GRIK2: variants seen among roughly 807,000 people sequenced by gnomAD.
GRIK2 encodes glutamate ionotropic receptor kainate type subunit 2.
Under a neutral mutation model 100.3 loss-of-function variants are expected in GRIK2, and 32 were observed. The ratio of observed to expected loss-of-function variants is 0.32; its 90% CI spans 0.24 to 0.43. The LOEUF (loss-of-function observed/expected upper bound fraction) is 0.43. Among genes scored for constraint, GRIK2 ranks in the 20% least tolerant of loss-of-function variants. The pLI is 1.00. For missense variants in GRIK2, 843 were observed against 1,114.9 expected, an observed-to-expected ratio of 0.76 and a Z score of 3.47; for synonymous variants, 417 against 389.4, an observed-to-expected ratio of 1.07 and a Z score of -0.83.
chr6:101,530,371 G>C (rs1775379003), intron 2 of GRIK2, among the ~76,000 whole-genome samples: 1 of 151,866 alleles, frequency 6.6e-6, no homozygotes, highest in East Asian at 1.9e-4. Flanking sequence ...AAGAAACAAA[G>C]TATTTTAAAA....
At chr6:101,742,496 A>C (rs76425197) in intron 7 of GRIK2, among the ~76,000 whole-genome samples, 1 of 152,144 alleles carries the variant, frequency 6.6e-6, no homozygotes, top group East Asian at 1.9e-4. Context: ...TCCTGAGAAC[A>C]CGTCCTCAAG....
intron 2 of GRIK2, among the ~76,000 whole-genome samples, chr6:101,411,040 A>G (rs762179616): frequency 3.3e-5 from 5 of 152,040 alleles, no homozygotes; most frequent in Non-Finnish European, 5.9e-5. Context: ...GAATATATGA[A>G]GAATATTTTT....
At chr6:101,619,074 A>G (rs1320405955) in intron 2 of GRIK2, among the ~76,000 whole-genome samples, 1 of 150,292 alleles carries the variant, frequency 6.7e-6, no homozygotes, top group East Asian at 1.9e-4. Context: ...CCGAATTTTT[A>G]AATAGAATTA....
rs781324413 is a variant in GRIK2 at position 101,399,232 on chromosome 6, G to A, written c.-46G>A. On this transcript the variant is annotated 5_prime_UTR_variant, in exon 2 of 17. Coordinates refer to ENST00000369134, the MANE Select transcript of GRIK2 (RefSeq NM_021956.5). ...TTCTACCCGAACCCAGGAGCCGAACGCTAGATCGGGGAAGTGGGTGCCGTG... is the reference window on the plus strand; with the variant it reads ...TTCTACCCGAACCCAGGAGCCGAACACTAGATCGGGGAAGTGGGTGCCGTG... The A allele has an allele frequency of 5.5e-6, 5 of 915,382 alleles. No individual in the cohort carries two copies. The highest frequency in any genetic ancestry group is 9.2e-6 in the Non-Finnish European group (5 of 541,934). 56.7% of individuals were successfully genotyped at this position (915,382 alleles called of 1,614,324 possible).
At position 101,734,724 on chromosome 6, in the gene GRIK2, C is replaced by G. The variant is rs545456583; in HGVS notation, c.951+48371C>G. 2.6e-5 allele frequency among the ~76,000 whole-genome samples: 4 copies of G among 152,046 alleles called. No homozygotes were observed. In the East Asian group the frequency reaches 7.7e-4, roughly 29 times the overall value. ...ACACATTAAAGAATTGGGAACTTGT[C>G]CTAAGGAAAATGACAACCCATTGGT... On this transcript the variant is annotated intron_variant, in intron 7 of 16. Transcript: ENST00000369134.
intron 14 of GRIK2, among the ~76,000 whole-genome samples, chr6:101,950,484 G>A (rs1413168568): frequency 6.6e-6 from 1 of 152,100 alleles, no homozygotes; most frequent in African/African-American, 2.4e-5. Context: ...GGCTCTTTGG[G>A]CCTGAGATAG....
At chr6:101,568,462 G>C (rs903316941) in intron 2 of GRIK2, among the ~76,000 whole-genome samples, 2 of 152,020 alleles carry the variant, frequency 1.3e-5, no homozygotes, top group Admixed American at 6.6e-5. Flanking sequence ...ATCCTGGTTT[G>C]AGCCTAACCC....
intron 1 of GRIK2, among the ~76,000 whole-genome samples, chr6:101,394,294 A>G (rs1402907302): frequency 6.6e-6 from 1 of 152,110 alleles, no homozygotes; most frequent in African/African-American, 2.4e-5. Context: ...AAGTATATTT[A>G]TTTTAACCGG....
intron 14 of GRIK2, among the ~76,000 whole-genome samples, chr6:101,955,513 A>G (rs1444926851): frequency 1.3e-5 from 2 of 151,872 alleles, no homozygotes; most frequent in East Asian, 3.9e-4. Context: ...AAAAAAAAGC[A>G]GACAGGCATG....
intron 2 of GRIK2, among the ~76,000 whole-genome samples, chr6:101,442,779 A>G (rs1156635708): frequency 6.6e-6 from 1 of 152,144 alleles, no homozygotes; most frequent in Non-Finnish European, 1.5e-5. Context: ...CCCTGCTGGG[A>G]TTCAATGTAA....
intron 14 of GRIK2, among the ~76,000 whole-genome samples, chr6:102,014,500 T>G (rs999881281): frequency 6.6e-6 from 1 of 152,158 alleles, no homozygotes; most frequent in Non-Finnish European, 1.5e-5. Flanking sequence ...GCTTGGTTTG[T>G]TCTTGCTTCT....
intron 10 of GRIK2, among the ~76,000 whole-genome samples, chr6:101,841,792 C>T (rs533881894): frequency 1.4e-4 from 21 of 152,256 alleles, no homozygotes; most frequent in African/African-American, 4.8e-4. Context: ...TTCACTTATA[C>T]GTGCAAATCT....
intron 11 of GRIK2, among the ~76,000 whole-genome samples, chr6:101,884,647 A>C (rs1158300665): frequency 6.6e-6 from 1 of 152,154 alleles, no homozygotes; most frequent in African/African-American, 2.4e-5. Flanking sequence ...AAAAGAATTA[A>C]TCTGTTCTAT....
At chr6:102,010,969 C>A (rs1795502495) in intron 14 of GRIK2, among the ~76,000 whole-genome samples, 1 of 151,984 alleles carries the variant, frequency 6.6e-6, no homozygotes, top group Non-Finnish European at 1.5e-5. Context: ...TAAATCTTGG[C>A]AATTATGAAT....
chr6:101,606,510 C>G (rs1582814014), intron 2 of GRIK2, among the ~76,000 whole-genome samples: 1 of 151,928 alleles, frequency 6.6e-6, no homozygotes, highest in Admixed American at 6.6e-5. Context: ...CTTTAAGCTC[C>G]TCAGATCACA....
chr6:101,662,300 TAAG>T (rs901533151), intron 4 of GRIK2, among the ~76,000 whole-genome samples: 1 of 152,124 alleles, frequency 6.6e-6, no homozygotes, highest in Non-Finnish European at 1.5e-5. Context: ...ACAGAAACAC[TAAG>T]AAGAACAGAA....
chr6:101,554,441 T>C (rs978585370), intron 2 of GRIK2, among the ~76,000 whole-genome samples: 1 of 151,704 alleles, frequency 6.6e-6, no homozygotes, highest in Non-Finnish European at 1.5e-5. Context: ...GCTGTGAGGA[T>C]ACTAGGTGGA....
intron 2 of GRIK2, among the ~76,000 whole-genome samples, chr6:101,442,643 A>G (rs984213965): frequency 6.6e-5 from 10 of 152,174 alleles, no homozygotes; most frequent in African/African-American, 2.4e-4. Flanking sequence ...TTGAACCTAG[A>G]CATGGAGTTG....
chr6:102,024,462 C>T (rs1769587894), intron 14 of GRIK2, among the ~76,000 whole-genome samples: 1 of 151,200 alleles, frequency 6.6e-6, no homozygotes, highest in Admixed American at 6.6e-5. Context: ...TTTACTAGTT[C>T]ATCACTGAGG....
Sources: allele counts gnomAD v4.1 joint callset (sites outside exome capture counted in the v4.1 genomes callset), GRCh38; gene constraint gnomAD v4.1.1; transcripts MANE v1.5; gene names NCBI Gene and HGNC (gene_info 2026-07-23, HGNC 2026-07-21).